OR9Q1: variants seen among roughly 807,000 people sequenced by gnomAD.
The protein encoded by OR9Q1 is olfactory receptor family 9 subfamily Q member 1.
For synonymous variants in OR9Q1, 153 were observed against 148.6 expected, an observed-to-expected ratio of 1.03 and a Z score of -0.22; for missense variants, 374 against 378.8, an observed-to-expected ratio of 0.99 and a Z score of 0.11.
At chr11:58,036,815 T>C (rs192545827) in intron 1 of OR9Q1, among the ~76,000 whole-genome samples, 1 of 152,330 alleles carries the variant, frequency 6.6e-6, no homozygotes, top group African/African-American at 2.4e-5. Context: ...AGTTGCTTCT[T>C]ATGGGTGAGC....
At position 58,057,135 on chromosome 11, in the gene OR9Q1, A is replaced by G. The variant is rs574663050; in HGVS notation, c.-15+1188A>G. Among the ~76,000 whole-genome samples the G allele has an allele frequency of 5.3e-5, 8 of 151,972 alleles. No individual in the cohort carries two copies. The South Asian group carries it at 1.7e-3, about 32-fold the overall frequency. On this transcript the variant is annotated intron_variant, in intron 2 of 2. Transcript: ENST00000335397. Reference sequence around the variant, plus strand: ...CAGCCTCCTGAGTAGCTGGGACTATAGACAACGCCATTACACCTGGTTAAT... The same window carrying G: ...CAGCCTCCTGAGTAGCTGGGACTATGGACAACGCCATTACACCTGGTTAAT...
intron 1 of OR9Q1, chr11:58,031,262 C>T (rs1225326988): frequency 6.2e-7 from 1 of 1,614,038 alleles, no homozygotes; most frequent in Non-Finnish European, 8.5e-7. Flanking sequence ...TTGCCTATCC[C>T]AGCTCTTCAT....
intron 1 of OR9Q1, among the ~76,000 whole-genome samples, chr11:58,050,752 G>GA (rs1274854969): frequency 9.3e-4 from 94 of 101,032 alleles, no homozygotes; most frequent in Non-Finnish European, 1.4e-3. Context: ...AAATTTACAA[G>GA]AAAAAAACAA....
intron 1 of OR9Q1, among the ~76,000 whole-genome samples, chr11:58,034,306 C>T (rs999738999): frequency 5.9e-5 from 9 of 151,786 alleles, no homozygotes; most frequent in Non-Finnish European, 1.3e-4. Context: ...CCAGGATGGT[C>T]TCGATCTTCT....
At chr11:58,101,017 G>A (rs1853778400) in intron 2 of OR9Q1, among the ~76,000 whole-genome samples, 2 of 152,080 alleles carry the variant, frequency 1.3e-5, no homozygotes, top group Non-Finnish European at 2.9e-5. Flanking sequence ...AACCTGAGAA[G>A]TGTAGTGGGG....
intron 1 of OR9Q1, among the ~76,000 whole-genome samples, chr11:58,036,611 G>T (rs749107786): frequency 3.9e-5 from 6 of 152,224 alleles, no homozygotes; most frequent in Non-Finnish European, 8.8e-5. Flanking sequence ...ATGGGAGGAG[G>T]TCAAAATATC....
At chr11:58,043,633 C>A (rs540568176) in intron 1 of OR9Q1, among the ~76,000 whole-genome samples, 4 of 152,294 alleles carry the variant, frequency 2.6e-5, no homozygotes, top group Admixed American at 2.6e-4. Flanking sequence ...CCTCCTTGGC[C>A]TGGAATATCC....
chr11:58,109,531 C>G (rs556216494), intron 2 of OR9Q1: 77 of 458,300 alleles, frequency 1.7e-4, no homozygotes, highest in Non-Finnish European at 2.9e-4. Flanking sequence ...AATGATCATC[C>G]CCCCATTCCC....
intron 2 of OR9Q1, among the ~76,000 whole-genome samples, chr11:58,095,978 C>A (rs888289525): frequency 6.6e-6 from 1 of 151,848 alleles, no homozygotes; most frequent in Non-Finnish European, 1.5e-5. Flanking sequence ...CTGAAAGTTA[C>A]AAAACTAATA....
chr11:58,130,224 A>G (rs1332774047), intron 2 of OR9Q1, among the ~76,000 whole-genome samples: 1 of 152,226 alleles, frequency 6.6e-6, no homozygotes, highest in African/African-American at 2.4e-5. Flanking sequence ...ACACTTCAAT[A>G]GAAAAACTGG....
chr11:58,181,361 C>G lies in OR9Q1; in HGVS notation c.*984C>G. 1 of 167,082 alleles carries G rather than the reference C, an allele frequency of 6.0e-6. No homozygotes were observed. The allele number at this position is 167,082 out of a possible 1,614,324, so 10.3% of individuals were successfully genotyped here. A position where few individuals can be genotyped will look rare whatever the true frequency, so the allele number is the denominator to read the frequency against. ...GGGTGGTCCTCGCCTATCCTGGGTC[C>G]CTGCACTCTGCAGCAGCTCAGCCTG... On this transcript the variant is annotated 3_prime_UTR_variant, in exon 3 of 3. Coordinates refer to ENST00000335397, the MANE Select transcript of OR9Q1 (RefSeq NM_001005212.4).
At chr11:58,037,387 A>G (rs1256889404) in intron 1 of OR9Q1, among the ~76,000 whole-genome samples, 1 of 151,926 alleles carries the variant, frequency 6.6e-6, no homozygotes, top group Admixed American at 6.6e-5. Flanking sequence ...CAAACCCACA[A>G]TATGTCTGGG....
intron 2 of OR9Q1, among the ~76,000 whole-genome samples, chr11:58,159,270 G>T (rs900550503): frequency 6.6e-6 from 1 of 152,176 alleles, no homozygotes; most frequent in Admixed American, 6.5e-5. Context: ...CTGAGACTCA[G>T]ATCACATACC....
chr11:58,118,390 C>T (rs1296448301), intron 2 of OR9Q1: 6 of 719,710 alleles, frequency 8.3e-6, no homozygotes, highest in Non-Finnish European at 2.3e-6. Context: ...TGGTACCTAT[C>T]TTCTGTCTTC....
intron 1 of OR9Q1, chr11:58,045,237 TTG>T (rs1853204398): frequency 6.6e-6 from 1 of 152,128 alleles, no homozygotes; most frequent in African/African-American, 2.4e-5. Flanking sequence ...TATTTTTTGT[TTG>T]TTTGTTTTTT....
intron 2 of OR9Q1, among the ~76,000 whole-genome samples, chr11:58,145,643 G>A (rs1854293226): frequency 6.6e-6 from 1 of 152,206 alleles, no homozygotes; most frequent in African/African-American, 2.4e-5. Flanking sequence ...TTTGCTATGG[G>A]TAAAGGTCAA....
At chr11:58,048,683 T>A (rs1180152352) in intron 1 of OR9Q1, among the ~76,000 whole-genome samples, 1 of 143,030 alleles carries the variant, frequency 7.0e-6, no homozygotes, top group African/African-American at 2.5e-5. Context: ...AAAAAAAATA[T>A]ATATATATAT....
chr11:58,140,297 C>T (rs1286149775), intron 2 of OR9Q1, among the ~76,000 whole-genome samples: 2 of 152,038 alleles, frequency 1.3e-5, no homozygotes, highest in East Asian at 3.9e-4. Flanking sequence ...TTAATTAGAT[C>T]CCATTTGTCA....
At chr11:58,142,170 C>T (rs549291294) in intron 2 of OR9Q1, among the ~76,000 whole-genome samples, 35 of 152,198 alleles carry the variant, frequency 2.3e-4, no homozygotes, top group Admixed American at 1.4e-3. Flanking sequence ...TCATACTCTG[C>T]AGCATTTTTT....
Sources: gnomAD v4.1 joint callset for allele counts (sites outside exome capture counted in the v4.1 genomes callset) on GRCh38, gnomAD v4.1.1 for gene constraint, MANE v1.5 for transcripts, NCBI Gene and HGNC (gene_info 2026-07-23, HGNC 2026-07-21) for gene names.